Variants in CMTM7 observed in about 807,000 individuals in gnomAD.
The protein encoded by CMTM7 is CKLF like MARVEL transmembrane domain containing 7.
CMTM7 carries 7 observed loss-of-function variants against 19.3 expected under a neutral mutation model. That is an observed-to-expected ratio of 0.36 (90% CI 0.21 to 0.68). CMTM7 has a LOEUF of 0.68. CMTM7 is among the 30% of genes least tolerant of loss of function. CMTM7 has a pLI of 0.60. For missense variants in CMTM7, 193 were observed against 232.6 expected, an observed-to-expected ratio of 0.83 and a Z score of 1.11; for synonymous variants, 87 against 99.3, an observed-to-expected ratio of 0.88 and a Z score of 0.74.
intron 3 of CMTM7, chr3:32,451,993 C>T (rs1172691241): frequency 4.9e-6 from 5 of 1,024,026 alleles, no homozygotes; most frequent in Non-Finnish European, 6.7e-6. Context: ...GCCACTACAC[C>T]ACAAATCATG....
chr3:32,416,410 C>T (rs1332164588), intron 1 of CMTM7, among the ~76,000 whole-genome samples: 2 of 83,222 alleles, frequency 2.4e-5, no homozygotes, highest in Non-Finnish European at 4.4e-5. Context: ...GACGGAGTCT[C>T]GCTCTGTCCC....
At chr3:32,407,010 C>G (rs1038630784) in intron 1 of CMTM7, among the ~76,000 whole-genome samples, 1 of 152,178 alleles carries the variant, frequency 6.6e-6, no homozygotes. Flanking sequence ...GCAGCAGCAC[C>G]CGCAGTAGCT....
intron 1 of CMTM7, among the ~76,000 whole-genome samples, chr3:32,414,745 G>A (rs1412252833): frequency 6.6e-6 from 1 of 152,214 alleles, no homozygotes; most frequent in Non-Finnish European, 1.5e-5. Context: ...GGGACCCAGT[G>A]AGAGTTTTAC....
chr3:32,398,087 G>A (rs1476324327), intron 1 of CMTM7, among the ~76,000 whole-genome samples: 2 of 152,172 alleles, frequency 1.3e-5, no homozygotes, highest in South Asian at 2.1e-4. Flanking sequence ...AGAGATAAGT[G>A]GTATGTTAGG....
intron 1 of CMTM7, among the ~76,000 whole-genome samples, chr3:32,426,005 C>T (rs1301367172): frequency 6.6e-6 from 1 of 152,114 alleles, no homozygotes; most frequent in Non-Finnish European, 1.5e-5. Context: ...ATTAGCCAGG[C>T]ATGGTGGCGC....
chr3:32,392,919 T>C (rs1268173122), intron 1 of CMTM7, among the ~76,000 whole-genome samples: 1 of 152,222 alleles, frequency 6.6e-6, no homozygotes, highest in Non-Finnish European at 1.5e-5. Flanking sequence ...CTTTAAAAGT[T>C]TGTAATCTGA....
At chr3:32,433,067 G>A (rs983566570) in intron 1 of CMTM7, among the ~76,000 whole-genome samples, 42 of 152,330 alleles carry the variant, frequency 2.8e-4, no homozygotes, top group Middle Eastern at 3.4e-3. Flanking sequence ...AAGAAACCAG[G>A]AAATTGCGTC....
At chr3:32,401,651 C>T (rs1316547464) in intron 1 of CMTM7, among the ~76,000 whole-genome samples, 2 of 152,270 alleles carry the variant, frequency 1.3e-5, no homozygotes, top group African/African-American at 4.8e-5. Flanking sequence ...CTCCCCTCTG[C>T]CATCTGCCTC....
intron 1 of CMTM7, among the ~76,000 whole-genome samples, chr3:32,436,028 G>T (rs1333297022): frequency 1.3e-5 from 2 of 152,190 alleles, no homozygotes; most frequent in Admixed American, 1.3e-4. Flanking sequence ...TCGGTATGCT[G>T]CAAACAGGTG....
rs559630570 is a variant in CMTM7, at chr3:32,434,836, T to G, written c.160-7004T>G. On this transcript the variant is annotated intron_variant, in intron 1 of 4. Coordinates refer to ENST00000334983, the MANE Select transcript of CMTM7 (RefSeq NM_138410.4). Reference sequence around the variant, plus strand: ...GAGTTCTTTGAATCCATAATAAAAATGGAAGCAATAGAAAATTAGGCCAAG... The same window carrying G: ...GAGTTCTTTGAATCCATAATAAAAAGGGAAGCAATAGAAAATTAGGCCAAG... Among the ~76,000 whole-genome samples the G allele has an allele frequency of 4.6e-5, 7 of 152,146 alleles. No individual in the cohort carries two copies. In the East Asian group the frequency reaches 1.3e-3, roughly 29 times the overall value.
At chr3:32,406,379 C>T (rs575069633) in intron 1 of CMTM7, among the ~76,000 whole-genome samples, 1 of 152,280 alleles carries the variant, frequency 6.6e-6, no homozygotes, top group African/African-American at 2.4e-5. Context: ...AGTAGAGGAC[C>T]TGCACCCAAT....
chr3:32,409,093 G>T (rs1021705358), intron 1 of CMTM7, among the ~76,000 whole-genome samples: 5 of 152,032 alleles, frequency 3.3e-5, no homozygotes, highest in African/African-American at 4.8e-5. Context: ...ATGTTGACCA[G>T]GATGGTCTCC....
At chr3:32,395,446 T>TA (rs572875874) in intron 1 of CMTM7, among the ~76,000 whole-genome samples, 53 of 152,332 alleles carry the variant, frequency 3.5e-4, no homozygotes, top group African/African-American at 1.1e-3. Context: ...GGAAACGGGC[T>TA]AAAGAGTTAA....
chr3:32,416,546 G>A (rs9861308), intron 1 of CMTM7, among the ~76,000 whole-genome samples: 51,721 of 134,594 alleles, frequency 0.38, 10,400 homozygotes, highest in South Asian at 0.42. Flanking sequence ...GCCCGCCACC[G>A]CGCCCGGCTA....
At chr3:32,408,914 C>T (rs111670939) in intron 1 of CMTM7, among the ~76,000 whole-genome samples, 215 of 151,340 alleles carry the variant, frequency 1.4e-3, no homozygotes, top group African/African-American at 5.0e-3. Flanking sequence ...GACAAAGTCT[C>T]GCTCTGTCGC....
chr3:32,441,755 G>A lies in CMTM7; in HGVS notation c.160-85G>A, dbSNP rs1575124034. 2.2e-5 allele frequency: 26 copies of A among 1,166,530 alleles called. 1 individual carries two copies. In the African/African-American group the frequency reaches 2.6e-4, roughly 12 times the overall value. 72.3% of individuals were successfully genotyped at this position (1,166,530 alleles called of 1,614,324 possible). On this transcript the variant is annotated intron_variant, in intron 1 of 4. Coordinates refer to ENST00000334983, the MANE Select transcript of CMTM7 (RefSeq NM_138410.4). ...CAGTTCTTCAATGTGGGCCTGCTGG[G>A]GGATGCTTGGTTGTTTTCCGTTGTT...
At chr3:32,404,142 C>CTT (rs11364371) in intron 1 of CMTM7, among the ~76,000 whole-genome samples, 5 of 109,226 alleles carry the variant, frequency 4.6e-5, no homozygotes, top group Non-Finnish European at 7.4e-5. Context: ...TTCTTTCTTT[C>CTT]TTTTTTTTTC....
At chr3:32,427,793 G>A (rs540605932) in intron 1 of CMTM7, among the ~76,000 whole-genome samples, 2 of 152,352 alleles carry the variant, frequency 1.3e-5, no homozygotes, top group African/African-American at 4.8e-5. Context: ...TGGGAAAGTA[G>A]AAGCAGACGT....
chr3:32,430,537 ATGTAGTCTCTGC>A (rs562147291), intron 1 of CMTM7, among the ~76,000 whole-genome samples: 30 of 152,322 alleles, frequency 2.0e-4, no homozygotes, highest in African/African-American at 7.0e-4. Flanking sequence ...CAGTGAATCC[ATGTAGTCTCTGC>A]TGTGTGCACT....
Sources: gnomAD v4.1 joint callset for allele counts (sites outside exome capture counted in the v4.1 genomes callset) on GRCh38, gnomAD v4.1.1 for gene constraint, MANE v1.5 for transcripts, NCBI Gene and HGNC (gene_info 2026-07-23, HGNC 2026-07-21) for gene names.